Variants in USH1G observed in about 807,000 individuals in gnomAD.
USH1G encodes the protein pre-mRNA splicing regulator USH1G.
In USH1G, 27 loss-of-function variants were observed where a neutral mutation model predicts 31.9. That is an observed-to-expected ratio of 0.85 (90% CI 0.62 to 1.17). The LOEUF (loss-of-function observed/expected upper bound fraction) is 1.17, where lower values mean the gene tolerates loss of function less well. USH1G is among the 50% of genes most tolerant of loss of function. The probability of loss-of-function intolerance (pLI) is 0.00; values close to 1 mark genes in which losing one functional copy is unlikely to be tolerated. For missense variants in USH1G, 674 were observed against 638.9 expected (o/e 1.05, Z -0.59); for synonymous variants, 266 against 283.2 (o/e 0.94, Z 0.61).
chr17:74,918,223 G>T lies in USH1G; in HGVS notation c.1383-147C>A. On this transcript the variant is annotated intron_variant, in intron 2 of 2. Transcript: ENST00000614341. The surrounding 1 kb of genome is among the most constrained non-coding windows in gnomAD (Gnocchi z 4.1). ...GGATGGGGGACGCCAGCCTATGGGT[G>T]ACCTCCCCATCCCCAAAACTCTGAA... 4 of 1,103,626 alleles carry T rather than the reference G, an allele frequency of 3.6e-6. No individual in the cohort carries two copies. Among genetic ancestry groups the T allele is most frequent in the South Asian group, 1.3e-5 (1 of 74,222 alleles). 68.4% of individuals were successfully genotyped at this position (1,103,626 alleles called of 1,614,324 possible).
At position 74,922,941 on chromosome 17, in the gene USH1G, G is replaced by T; in HGVS notation, c.133C>A (p.Leu45Ile). 6.5e-7 allele frequency: 1 copy of T among 1,548,854 alleles called. No homozygotes were observed. The highest frequency in any genetic ancestry group is 2.4e-5 in the East Asian group (1 of 41,090). ...CTCACAATGAGACGCAGCGACTCGAGGTTGCCATGGTAGGCAGCCCAGAGA... is the reference window on the plus strand; with the variant it reads ...CTCACAATGAGACGCAGCGACTCGATGTTGCCATGGTAGGCAGCCCAGAGA... Reference protein sequence around the residue: ...PTLWAAYHGNLESLRLIVSRG... With the variant: ...PTLWAAYHGNIESLRLIVSRG... The change falls in exon 1 of 3, where the codon CTC becomes ATC. Residue 45 changes from leucine to isoleucine, a missense_variant. Physicochemically the swap from Leu to Ile is conservative, Grantham distance 5. Transcript: ENST00000614341.
Position 74,918,159 on chromosome 17 carries a change from C to T in USH1G, c.1383-83G>A. 1.3e-6 allele frequency: 2 copies of T among 1,579,236 alleles called. No individual in the cohort carries two copies. The highest frequency in any genetic ancestry group is 1.3e-5 in the African/African-American group (1 of 74,188). ...TTTTCACCCAGGGCAGCCATCTGGA[C>T]AACTTAGCCTCCCCATCTCTCGGCA... On this transcript the variant is annotated intron_variant, in intron 2 of 2. Transcript: ENST00000614341. This position sits in a 1 kb window ranked among gnomAD's most constrained non-coding sequence, Gnocchi z 4.1.
rs769754953 is a variant in USH1G at position 74,918,488 on chromosome 17, G to A, written c.1383-412C>T. ...GACCCTCTTGGGAGCATTTGCCCAC[G>A]TTCCTGATTGCAAAGTTCAGGAACA... is the stretch of plus-strand genomic sequence containing the variant. On this transcript the variant is annotated intron_variant, in intron 2 of 2. Transcript: ENST00000614341. The surrounding 1 kb of genome is among the most constrained non-coding windows in gnomAD (Gnocchi z 4.1). Among the ~76,000 whole-genome samples the A allele has an allele frequency of 2.6e-5, 4 of 152,264 alleles. No individual in the cohort carries two copies. The highest frequency in any genetic ancestry group is 1.3e-4 in the Admixed American group (2 of 15,294).
rs942896710 is a variant in USH1G at position 74,917,816 on chromosome 17, C to T, written c.*257G>A. ...CTCCCCCAAGTCTACATGTCCTTTACGGCTGCTCAGAATGGGTGGCTCAGG... is the reference window on the plus strand; with the variant it reads ...CTCCCCCAAGTCTACATGTCCTTTATGGCTGCTCAGAATGGGTGGCTCAGG... On this transcript the variant is annotated 3_prime_UTR_variant, in exon 3 of 3. Coordinates refer to ENST00000614341, the MANE Select transcript of USH1G (RefSeq NM_173477.5). 2.5e-5 allele frequency: 14 copies of T among 558,258 alleles called. No homozygotes were observed. The highest frequency in any genetic ancestry group is 1.0e-4 in the South Asian group (5 of 48,526). The allele number at this position is 558,258 out of a possible 1,614,324, so 34.6% of individuals were successfully genotyped here.
chr17:74,922,009 CT>C (rs959513119), intron 1 of USH1G, among the ~76,000 whole-genome samples: 2 of 152,190 alleles, frequency 1.3e-5, no homozygotes, highest in Non-Finnish European at 2.9e-5. Context: ...CTGGCCCTCT[CT>C]CCCATGACCT....
At chr17:74,922,330 G>A (rs2038953135) in intron 1 of USH1G, among the ~76,000 whole-genome samples, 1 of 151,142 alleles carries the variant, frequency 6.6e-6, no homozygotes, top group Admixed American at 6.6e-5. Flanking sequence ...TTGCTTAGCT[G>A]TGCCCGGCTG....
chr17:74,920,125 C>A lies in USH1G; in HGVS notation c.711G>T (p.Gly237=). ...GEGTFKVSED[G]RKSARSLSGL... ...CCGAGAGCGAGCGGGCGCTCTTGCG[C>A]CCATCCTCGGAGACCTTGAAGGTGC... Residue 237 remains glycine, a synonymous_variant, in exon 2 of 3, where the codon GGG becomes GGT. Coordinates refer to ENST00000614341, the MANE Select transcript of USH1G (RefSeq NM_173477.5). This position sits in a 1 kb window ranked among gnomAD's most constrained non-coding sequence, Gnocchi z 5.2. 1 of 1,602,906 alleles carries A rather than the reference C, an allele frequency of 6.2e-7. No individual in the cohort carries two copies. Among genetic ancestry groups the A allele is most frequent in the Non-Finnish European group, 8.5e-7 (1 of 1,179,778 alleles).
rs143271563 is a variant in USH1G at position 74,918,980 on chromosome 17, TCTAA to T, written c.1382+470_1382+473del. Among the ~76,000 whole-genome samples the T allele has an allele frequency of 7.7e-3, 1,169 of 152,270 alleles. 7 individuals are homozygous for T. The highest frequency in any genetic ancestry group is 0.021 in the South Asian group (102 of 4,812). On this transcript the variant is annotated intron_variant, in intron 2 of 2. Coordinates refer to ENST00000614341, the MANE Select transcript of USH1G (RefSeq NM_173477.5). This position sits in a 1 kb window ranked among gnomAD's most constrained non-coding sequence, Gnocchi z 4.1. ...GCAGCAGGACCTTGAGGTGAGCTAT[TCTAA>T]CTGTCTGAGCCTCCACTTGCTCATT...
rs1295115250 is a variant in USH1G at position 74,919,610 on chromosome 17, C to T, written c.1226G>A (p.Arg409Gln). The T allele has an allele frequency of 6.2e-7, 1 of 1,612,692 alleles. No homozygotes were observed. Among genetic ancestry groups the T allele is most frequent in the Non-Finnish European group, 8.5e-7 (1 of 1,180,038 alleles). ...LHMEDFAALL[R>Q]QEKIDLEALM... ...AGCCTCGAGGTCGATCTTCTCCTGC[C>T]GCAGGAGGGCGGCAAAGTCCTCCAT... is the stretch of plus-strand genomic sequence containing the variant. Residue 409 changes from arginine to glutamine, a missense_variant, in exon 2 of 3, where the codon CGG becomes CAG. By Grantham distance (43) the Arg-to-Gln change is conservative. Transcript: ENST00000614341. This position sits in a 1 kb window ranked among gnomAD's most constrained non-coding sequence, Gnocchi z 4.5.
chr17:74,920,139 C>A lies in USH1G; in HGVS notation c.697G>T (p.Val233Phe). 1 of 1,602,612 alleles carries A rather than the reference C, an allele frequency of 6.2e-7. No homozygotes were observed. Among genetic ancestry groups the A allele is most frequent in the Non-Finnish European group, 8.5e-7 (1 of 1,179,816 alleles). ...RKQGGEGTFK[V>F]SEDGRKSARS... Reference sequence around the variant, plus strand: ...GCGCTCTTGCGCCCATCCTCGGAGACCTTGAAGGTGCCTTCGCCGCCCTGC... The same window carrying A: ...GCGCTCTTGCGCCCATCCTCGGAGAACTTGAAGGTGCCTTCGCCGCCCTGC... The change falls in exon 2 of 3, where the codon GTC (valine) becomes TTC (phenylalanine). Residue 233 changes from valine (V) to phenylalanine (F), a missense_variant. By Grantham distance (50) the Val-to-Phe change is conservative. Transcript: ENST00000614341. The surrounding 1 kb of genome is among the most constrained non-coding windows in gnomAD (Gnocchi z 5.2).
rs1235994879 is a variant in USH1G at position 74,922,912 on chromosome 17, G to GCGGCTCA, written c.155_161dup (p.Gly55GlufsTer5). On this transcript the variant is annotated frameshift_variant, in exon 1 of 3. Coordinates refer to ENST00000614341, the MANE Select transcript of USH1G (RefSeq NM_173477.5). LOFTEE classifies it high-confidence loss of function. ...GGCACTGGGTGGGGCGTACTCACCC[G>GCGGCTCA]CGGCTCACAATGAGACGCAGCGACT... is the stretch of plus-strand genomic sequence containing the variant. 1 of 1,545,258 alleles carries GCGGCTCA rather than the reference G, an allele frequency of 6.5e-7. No homozygotes were observed. Among genetic ancestry groups the GCGGCTCA allele is most frequent in the East Asian group, 2.5e-5 (1 of 40,784 alleles).
rs1305628744 is a variant in USH1G at position 74,917,534 on chromosome 17, A to C, written c.*539T>G. The C allele has an allele frequency of 1.9e-5, 3 of 161,826 alleles. No homozygotes were observed. Among genetic ancestry groups the C allele is most frequent in the Admixed American group, 1.7e-4 (3 of 17,186 alleles). 10.0% of individuals were successfully genotyped at this position (161,826 alleles called of 1,614,324 possible). ...TATGCTTGGGATGGGGTACAGACTG[A>C]AAGTTGGGGCATTTGGCTGAAGAGT... is the stretch of plus-strand genomic sequence containing the variant. On this transcript the variant is annotated 3_prime_UTR_variant, in exon 3 of 3. Transcript: ENST00000614341.
At position 74,920,379 on chromosome 17, in the gene USH1G, G is replaced by T; in HGVS notation, c.457C>A (p.Leu153Met). 5 of 1,612,950 alleles carry T rather than the reference G, an allele frequency of 3.1e-6. No homozygotes were observed. Among genetic ancestry groups the T allele is most frequent in the Non-Finnish European group, 4.2e-6 (5 of 1,179,986 alleles). ...ATGCGTTCGTGGTGCCTCCGCTGCA[G>T]CTTGGCGCACTCGCGGATGCGCCGC... ...AERRIRECAK[L>M]QRRHHERMER... Residue 153 changes from leucine (L) to methionine (M), a missense_variant, in exon 2 of 3, where the codon CTG becomes ATG. Physicochemically the swap from Leu to Met is conservative, Grantham distance 15. Transcript: ENST00000614341. The surrounding 1 kb of genome is among the most constrained non-coding windows in gnomAD (Gnocchi z 5.2).
rs1222933545 is a variant in USH1G at position 74,920,346 on chromosome 17, G to T, written c.490C>A (p.Arg164=). 1 of 1,611,082 alleles carries T rather than the reference G, an allele frequency of 6.2e-7. No homozygotes were observed. Among genetic ancestry groups the T allele is most frequent in the Non-Finnish European group, 8.5e-7 (1 of 1,179,706 alleles). Residue 164 remains arginine (R), a synonymous_variant, in exon 2 of 3, where the codon CGA becomes AGA. Coordinates refer to ENST00000614341, the MANE Select transcript of USH1G (RefSeq NM_173477.5). The surrounding 1 kb of genome is among the most constrained non-coding windows in gnomAD (Gnocchi z 5.2). ...QRRHHERMER[R]YRRELAERSD... ...CGCTCGGCCAGCTCGCGCCGGTATC[G>T]CCGCTCCATGCGTTCGTGGTGCCTC...
At position 74,919,478 on chromosome 17, in the gene USH1G, G is replaced by A. The variant is rs372580540; in HGVS notation, c.1358C>T (p.Pro453Leu). Residue 453 changes from proline to leucine, a missense_variant, in exon 2 of 3, where the codon CCG (proline) becomes CTG (leucine). Pro to Leu is a moderately conservative substitution (Grantham distance 98, BLOSUM62 -3). Coordinates refer to ENST00000614341, the MANE Select transcript of USH1G (RefSeq NM_173477.5). The surrounding 1 kb of genome is among the most constrained non-coding windows in gnomAD (Gnocchi z 4.5). ...VRRRRQAMER[P>L]PALEDTEL ...CAGCTCTGTGTCCTCCAGGGCCGGCGGGCGCTCCATCGCCTGCCGCCGCCT... is the reference window on the plus strand; with the variant it reads ...CAGCTCTGTGTCCTCCAGGGCCGGCAGGCGCTCCATCGCCTGCCGCCGCCT... 10 of 1,608,108 alleles carry A rather than the reference G, an allele frequency of 6.2e-6. No individual in the cohort carries two copies. Among genetic ancestry groups the A allele is most frequent in the Non-Finnish European group, 7.6e-6 (9 of 1,178,426 alleles).
At position 74,922,126 on chromosome 17, in the gene USH1G, C is replaced by T. The variant is rs184709094; in HGVS notation, c.164+784G>A. 2.6e-5 allele frequency among the ~76,000 whole-genome samples: 4 copies of T among 152,256 alleles called. No individual in the cohort carries two copies. In the East Asian group the frequency reaches 7.7e-4, roughly 29 times the overall value. ...CCACTGGGGCTGAGGGAGTTGGTCA[C>T]AGTCATTTGACTTTAGCCCCAAGGA... On this transcript the variant is annotated intron_variant, in intron 1 of 2. Coordinates refer to ENST00000614341, the MANE Select transcript of USH1G (RefSeq NM_173477.5).
At position 74,919,674 on chromosome 17, in the gene USH1G, C is replaced by A. The variant is rs746328214; in HGVS notation, c.1162G>T (p.Glu388Ter). 1.9e-6 allele frequency: 3 copies of A among 1,612,724 alleles called. No individual in the cohort carries two copies. The highest frequency in any genetic ancestry group is 1.7e-6 in the Non-Finnish European group (2 of 1,180,032). Residue 388 changes from glutamate (E) to a stop codon, truncating the protein, a stop_gained, in exon 2 of 3, where the codon GAG becomes TAG. Transcript: ENST00000614341. LOFTEE classifies it high-confidence loss of function. This position sits in a 1 kb window ranked among gnomAD's most constrained non-coding sequence, Gnocchi z 4.5. ...AGGAAGGTCTCCAGCGGGCTAGTCTCGGGCTCCAGGTCCTCGTCCAAGCCT... is the reference window on the plus strand; with the variant it reads ...AGGAAGGTCTCCAGCGGGCTAGTCTAGGGCTCCAGGTCCTCGTCCAAGCCT... ...DLGLDEDLEP[E>*]TSPLETFLAS...
Position 74,920,130 on chromosome 17 carries a change from C to T in USH1G, c.706G>A (p.Asp236Asn), listed in dbSNP as rs2038920595. ...AGCGAGCGGGCGCTCTTGCGCCCAT[C>T]CTCGGAGACCTTGAAGGTGCCTTCG... ...GGEGTFKVSE[D>N]GRKSARSLSG... Residue 236 changes from aspartate to asparagine, a missense_variant, in exon 2 of 3, where the codon GAT (aspartate) becomes AAT (asparagine). Asp to Asn is a conservative substitution (Grantham distance 23). Coordinates refer to ENST00000614341, the MANE Select transcript of USH1G (RefSeq NM_173477.5). The surrounding 1 kb of genome is among the most constrained non-coding windows in gnomAD (Gnocchi z 5.2). The T allele has an allele frequency of 1.9e-6, 3 of 1,602,710 alleles. No individual in the cohort carries two copies. The highest frequency in any genetic ancestry group is 4.5e-5 in the East Asian group (2 of 44,874).
rs1474994421 is a variant in USH1G, at chr17:74,918,542, C to A, written c.1383-466G>T. On this transcript the variant is annotated intron_variant, in intron 2 of 2. Coordinates refer to ENST00000614341, the MANE Select transcript of USH1G (RefSeq NM_173477.5). The surrounding 1 kb of genome is among the most constrained non-coding windows in gnomAD (Gnocchi z 4.1). Reference sequence around the variant, plus strand: ...GGTAAAACATCTCCCTAAGGCCAGGCGCGGTGGCTCACGCCTGTAATCCCA... The same window carrying A: ...GGTAAAACATCTCCCTAAGGCCAGGAGCGGTGGCTCACGCCTGTAATCCCA... Among the ~76,000 whole-genome samples, 4 of 152,170 alleles carry A rather than the reference C, an allele frequency of 2.6e-5. No homozygotes were observed. The highest frequency in any genetic ancestry group is 9.7e-5 in the African/African-American group (4 of 41,434).
Sources: allele counts gnomAD v4.1 joint callset (sites outside exome capture counted in the v4.1 genomes callset), GRCh38; gene constraint gnomAD v4.1.1; non-coding constraint Gnocchi (gnomAD v3.1); transcripts MANE v1.5; gene names NCBI Gene and HGNC (gene_info 2026-07-23, HGNC 2026-07-21).